ANO1: variants seen among roughly 807,000 people sequenced by gnomAD.
The protein encoded by ANO1 is anoctamin 1, also known as anoctamin-1.
In ANO1, 59 loss-of-function variants were observed where a neutral mutation model predicts 124.0. The ratio of observed to expected loss-of-function variants is 0.48; its 90% CI spans 0.39 to 0.59. The LOEUF (loss-of-function observed/expected upper bound fraction) is 0.59, where lower values mean the gene tolerates loss of function less well. Among genes scored for constraint, ANO1 ranks in the 20% least tolerant of loss-of-function variants. The pLI is 0.00. For synonymous variants in ANO1, 529 were observed against 532.0 expected, an observed-to-expected ratio of 0.99 and a Z score of 0.08; for missense variants, 1,059 against 1,328.0, an observed-to-expected ratio of 0.80 and a Z score of 3.15.
chr11:70,087,414 G>A (rs1436576958), intron 1 of ANO1, among the ~76,000 whole-genome samples: 1 of 152,108 alleles, frequency 6.6e-6, no homozygotes, highest in African/African-American at 2.4e-5. Context: ...CCCTACCATA[G>A]CTTTTTGCAA....
intron 7 of ANO1, among the ~76,000 whole-genome samples, chr11:70,115,798 G>A (rs1220388724): frequency 3.3e-5 from 5 of 152,106 alleles, no homozygotes; most frequent in Admixed American, 2.6e-4. Context: ...TGAGGGTAAC[G>A]TGCACATAGC....
In ANO1 at chr11:70,078,782, G is replaced by C. The variant is rs2044109254; in HGVS notation, c.108+68G>C. On this transcript the variant is annotated intron_variant, in intron 1 of 25. Transcript: ENST00000355303. ...CTGCGCCTTGGCGAGGGCGGGAACC[G>C]GGCGGCGGCAGGGCCTCCTGGGACC... 1.7e-5 allele frequency: 19 copies of C among 1,128,114 alleles called. 1 individual carries two copies. The highest frequency in any genetic ancestry group is 4.9e-5 in the South Asian group (2 of 40,524). 69.9% of individuals were successfully genotyped at this position (1,128,114 alleles called of 1,614,324 possible).
At chr11:70,096,787 G>A (rs2044990175) in intron 2 of ANO1, among the ~76,000 whole-genome samples, 1 of 152,156 alleles carries the variant, frequency 6.6e-6, no homozygotes, top group South Asian at 2.1e-4. Context: ...CTGGAACCTG[G>A]GAGGCGGAGA....
the ANO1 span, among the ~76,000 whole-genome samples, chr11:69,975,886 C>A: frequency 2.0e-5 from 3 of 152,316 alleles, no homozygotes; most frequent in African/African-American, 4.8e-5. Context: ...GTGTTGCACA[C>A]ATAGGTGGGG....
Position 70,067,373 on chromosome 11 carries a change from G to C in ANO1, c.59-11169G>C, listed in dbSNP as rs1480283037. ...GACGGAGTCTCCCTCTGGTGCCCAGGCTGGAGTGCAGTGGCGCAATCTCCG... is the reference window on the plus strand; with the variant it reads ...GACGGAGTCTCCCTCTGGTGCCCAGCCTGGAGTGCAGTGGCGCAATCTCCG... On this transcript the variant is annotated intron_variant, in intron 1 of 27. Coordinates refer to the ANO1 transcript ENST00000531349. 2.0e-5 allele frequency among the ~76,000 whole-genome samples: 3 copies of C among 146,660 alleles called. No individual in the cohort carries two copies. The South Asian group carries it at 6.7e-4, about 33-fold the overall frequency.
chr11:70,165,234 T>G (rs1239947299), intron 19 of ANO1: 1 of 540,266 alleles, frequency 1.9e-6, no homozygotes, highest in East Asian at 3.3e-5. Flanking sequence ...ACATCAGTCC[T>G]CAGATGGGCG....
chr11:70,180,270 T>C (rs2048881303), intron 23 of ANO1, among the ~76,000 whole-genome samples: 1 of 147,052 alleles, frequency 6.8e-6, no homozygotes, highest in African/African-American at 2.6e-5. Context: ...TTCAACCTTT[T>C]TCTGCAAGTT....
chr11:70,122,922 A>C (rs188981074), intron 8 of ANO1, among the ~76,000 whole-genome samples: 20 of 152,250 alleles, frequency 1.3e-4, no homozygotes, highest in Non-Finnish European at 2.1e-4. Context: ...GCTCCGCTTC[A>C]TCAAGGTTTG....
chr11:70,055,196 C>G (rs1397947266), intron 1 of ANO1, among the ~76,000 whole-genome samples: 8 of 152,030 alleles, frequency 5.3e-5, no homozygotes, highest in African/African-American at 1.9e-4. Context: ...TTTTTGTGCA[C>G]TTAAAAAATA....
intron 18 of ANO1, among the ~76,000 whole-genome samples, chr11:70,162,463 G>C (rs2048090604): frequency 6.6e-6 from 1 of 152,156 alleles, no homozygotes; most frequent in Admixed American, 6.5e-5. Context: ...GGGACAAGGA[G>C]AGAGGAGGGT....
intron 1 of ANO1, among the ~76,000 whole-genome samples, chr11:70,058,422 G>A (rs576765947): frequency 6.6e-6 from 1 of 152,324 alleles, no homozygotes; most frequent in African/African-American, 2.4e-5. Context: ...GGCGGTTTTG[G>A]AGGACAACCG....
intron 23 of ANO1, among the ~76,000 whole-genome samples, chr11:70,182,052 G>A (rs1005854687): frequency 1.3e-5 from 2 of 152,098 alleles, no homozygotes; most frequent in African/African-American, 4.8e-5. Flanking sequence ...AATAGAATGA[G>A]CCGGGTGAGG....
chr11:70,139,228 C>G (rs2047062719), intron 11 of ANO1, among the ~76,000 whole-genome samples: 1 of 152,204 alleles, frequency 6.6e-6, no homozygotes, highest in Non-Finnish European at 1.5e-5. Context: ...ACAATCTCGG[C>G]TCACTGCAAA....
chr11:70,158,909 T>A (rs1344652306), intron 16 of ANO1, among the ~76,000 whole-genome samples: 1 of 152,016 alleles, frequency 6.6e-6, no homozygotes, highest in Non-Finnish European at 1.5e-5. Flanking sequence ...CCCGGCCTCG[T>A]GCTGAGGGGA....
intron 13 of ANO1, 134 bp downstream of exon 13, chr11:70,152,595 C>G: frequency 9.5e-7 from 1 of 1,057,532 alleles, no homozygotes; most frequent in Non-Finnish European, 1.4e-6. Context: ...TCTGCTTTCT[C>G]CCCACCTCCG....
chr11:70,146,429 C>T (rs781140913), intron 11 of ANO1, among the ~76,000 whole-genome samples: 2 of 152,100 alleles, frequency 1.3e-5, no homozygotes, highest in Non-Finnish European at 2.9e-5. Flanking sequence ...GCAGAGAGGG[C>T]GAGCCGGAGC....
intron 9 of ANO1, 148 bp downstream of exon 9, chr11:70,124,562 C>T (rs569488661): frequency 4.0e-6 from 3 of 757,466 alleles, no homozygotes; most frequent in Non-Finnish European, 6.5e-6. Flanking sequence ...CCAAAATGTC[C>T]CTGCAGGGCT....
At chr11:70,119,267 G>A (rs2046144376) in intron 8 of ANO1, among the ~76,000 whole-genome samples, 1 of 133,684 alleles carries the variant, frequency 7.5e-6, no homozygotes, top group Non-Finnish European at 1.6e-5. Flanking sequence ...TGGGGGGGTG[G>A]GTGGGTGAGT....
intron 12 of ANO1, 45 bp from the exon 13 acceptor site, chr11:70,152,405 A>G (rs1415949912): frequency 3.1e-6 from 5 of 1,594,876 alleles, no homozygotes; most frequent in Non-Finnish European, 4.3e-6. Flanking sequence ...AACCTAAGTA[A>G]TGACATCTTT....
Sources: gnomAD v4.1 joint callset for allele counts (sites outside exome capture counted in the v4.1 genomes callset) on GRCh38, gnomAD v4.1.1 for gene constraint, MANE v1.5 for transcripts, NCBI Gene and HGNC (gene_info 2026-07-23, HGNC 2026-07-21) for gene names.